The following RP1 variants were observed in gnomAD, a reference collection of about 807,000 sequenced individuals.
RP1 encodes the protein oxygen-regulated protein 1.
In RP1, 16 loss-of-function variants were observed where a neutral mutation model predicts 14.8. That is an observed-to-expected ratio of 1.08 (90% CI 0.73 to 1.65). The LOEUF (loss-of-function observed/expected upper bound fraction) is 1.65, where lower values mean the gene tolerates loss of function less well. Ranked by LOEUF, RP1 falls within the 40% of genes most tolerant of loss-of-function variation. The probability of loss-of-function intolerance (pLI) is 0.00; values close to 1 mark genes in which losing one functional copy is unlikely to be tolerated. For missense variants in RP1, 2,631 were observed against 2,535.0 expected (o/e 1.04, Z -0.81); for synonymous variants, 876 against 883.6 (o/e 0.99, Z 0.15).
chr8:54,646,025 AACTC>A (rs901796059), intron 3 of RP1, among the ~76,000 whole-genome samples: 1 of 151,960 alleles, frequency 6.6e-6, no homozygotes, highest in African/African-American at 2.4e-5. Context: ...TCACCCCTTC[AACTC>A]ACTCTTTTTC....
intron 17 of RP1, among the ~76,000 whole-genome samples, chr8:54,730,219 T>G (rs1316563998): frequency 6.6e-6 from 1 of 152,136 alleles, no homozygotes; most frequent in Non-Finnish European, 1.5e-5. Context: ...AGTCAATATC[T>G]TCTTCTATAA....
intron 12 of RP1, among the ~76,000 whole-genome samples, chr8:54,680,732 G>T (rs1362699710): frequency 6.6e-6 from 1 of 152,102 alleles, no homozygotes; most frequent in Non-Finnish European, 1.5e-5. Flanking sequence ...GCCGAGGTGG[G>T]CGGATCATGA....
At chr8:54,866,457 T>G (rs550476831) in intron 28 of RP1, among the ~76,000 whole-genome samples, 26 of 152,342 alleles carry the variant, frequency 1.7e-4, no homozygotes, top group African/African-American at 6.0e-4. Flanking sequence ...TAGGTGAATC[T>G]CTTAAACTTC....
chr8:54,628,098 A>C lies in RP1; in HGVS notation c.4216A>C (p.Lys1406Gln), dbSNP rs562213663. The C allele has an allele frequency of 1.9e-6, 3 of 1,614,072 alleles. No individual in the cohort carries two copies. In the East Asian group the frequency reaches 6.7e-5, roughly 36 times the overall value. Residue 1406 changes from lysine (K) to glutamine (Q), a missense_variant, in exon 4 of 4, where the codon AAA becomes CAA. Physicochemically the swap from Lys to Gln is moderately conservative, Grantham distance 53. Transcript: ENST00000220676. ...CTCCTGTGGCCTTTGCCTAAGTGAA[A>C]AAGAAGCAGAACTTGATAAGAAACA... ...LSSCGLCLSE[K>Q]EAELDKKHSS...
intron 1 of RP1, among the ~76,000 whole-genome samples, chr8:54,602,939 C>T (rs1317961797): frequency 6.6e-6 from 1 of 152,000 alleles, no homozygotes; most frequent in African/African-American, 2.4e-5. Context: ...GGATATTAGC[C>T]CTTTGTTAGA....
At chr8:54,664,944 T>C (rs1048372958) in intron 7 of RP1, among the ~76,000 whole-genome samples, 2 of 152,126 alleles carry the variant, frequency 1.3e-5, no homozygotes, top group Non-Finnish European at 2.9e-5. Context: ...CATCACACAA[T>C]ATACCCGGTT....
intron 1 of RP1, among the ~76,000 whole-genome samples, chr8:54,607,297 C>G (rs897219464): frequency 5.9e-5 from 9 of 152,180 alleles, no homozygotes; most frequent in African/African-American, 1.7e-4. Flanking sequence ...GTTGGAGTTT[C>G]CTGGAGGTCC....
intron 24 of RP1, among the ~76,000 whole-genome samples, chr8:54,785,644 C>T (rs112436733): frequency 6.6e-6 from 1 of 152,080 alleles, no homozygotes; most frequent in African/African-American, 2.4e-5. Context: ...TTTTACACTT[C>T]TACCAGCAAT....
chr8:54,677,685 C>G (rs1374225881), intron 8 of RP1, among the ~76,000 whole-genome samples: 1 of 152,138 alleles, frequency 6.6e-6, no homozygotes, highest in Non-Finnish European at 1.5e-5. Context: ...TGTGATTGCA[C>G]TACTGTACTC....
intron 24 of RP1, among the ~76,000 whole-genome samples, chr8:54,811,262 C>T (rs1194375350): frequency 6.6e-6 from 1 of 152,162 alleles, no homozygotes; most frequent in Non-Finnish European, 1.5e-5. Context: ...CCCATGTCTG[C>T]ACTTCACCAG....
intron 12 of RP1, among the ~76,000 whole-genome samples, chr8:54,680,682 G>A (rs1807405851): frequency 6.6e-6 from 1 of 152,154 alleles, no homozygotes; most frequent in Non-Finnish European, 1.5e-5. Context: ...GTCTGGGCCG[G>A]GTGTGGTGGC....
At chr8:54,571,321 G>C (rs1166174772) in intron 1 of RP1, among the ~76,000 whole-genome samples, 2 of 152,216 alleles carry the variant, frequency 1.3e-5, no homozygotes, top group African/African-American at 4.8e-5. Flanking sequence ...CTTTTATAGA[G>C]CTGATCTTCC....
At position 54,711,780 on chromosome 8, in the gene RP1, AT is replaced by A. The variant is rs910691724; in HGVS notation, c.2211+5136del. On this transcript the variant is annotated intron_variant, in intron 15 of 22. Transcript: ENST00000636932. Reference sequence around the variant, plus strand: ...TTGTAAATGTAGGAGACAAAACATGATTTTTTTTTTTCACCCATTGCAAGCT... The same window carrying A: ...TTGTAAATGTAGGAGACAAAACATGATTTTTTTTTTCACCCATTGCAAGCT... 3.2e-3 allele frequency among the ~76,000 whole-genome samples: 477 copies of A among 148,988 alleles called. 1 individual carries two copies. Among genetic ancestry groups the A allele is most frequent in the Non-Finnish European group, 4.9e-3 (329 of 66,978 alleles).
At chr8:54,851,095 T>A (rs1293297967) in intron 25 of RP1, among the ~76,000 whole-genome samples, 6 of 152,144 alleles carry the variant, frequency 3.9e-5, no homozygotes, top group African/African-American at 1.2e-4. Context: ...GCGTGCATAC[T>A]TTTTGAGGTG....
exon 18 of RP1, chr8:54,734,725 G>C (rs1473564673): frequency 6.5e-7 from 1 of 1,532,208 alleles, no homozygotes; most frequent in African/African-American, 1.4e-5. Flanking sequence ...TTCCTTCCAG[G>C]ACACGAGGAT....
intron 23 of RP1, among the ~76,000 whole-genome samples, chr8:54,776,317 T>C (rs1475595010): frequency 6.6e-6 from 1 of 152,164 alleles, no homozygotes; most frequent in Non-Finnish European, 1.5e-5. Flanking sequence ...TCCTCCTACC[T>C]CGGCTTCCTG....
chr8:54,833,902 C>G (rs1811596753), intron 24 of RP1, among the ~76,000 whole-genome samples: 1 of 151,588 alleles, frequency 6.6e-6, no homozygotes, highest in African/African-American at 2.4e-5. Flanking sequence ...TTATGCCCAC[C>G]AAAATTTTGA....
intron 1 of RP1, chr8:54,561,838 A>G (rs1270812061): frequency 6.6e-6 from 1 of 152,234 alleles, no homozygotes; most frequent in Non-Finnish European, 1.5e-5. Flanking sequence ...AATTAATTAT[A>G]TATCCTGATA....
intron 24 of RP1, among the ~76,000 whole-genome samples, chr8:54,799,899 A>G (rs1376867946): frequency 6.6e-6 from 1 of 152,104 alleles, no homozygotes; most frequent in Non-Finnish European, 1.5e-5. Context: ...AATGAGAAAA[A>G]TAATATTTAT....
Sources: allele counts gnomAD v4.1 joint callset (sites outside exome capture counted in the v4.1 genomes callset), GRCh38; gene constraint gnomAD v4.1.1; transcripts MANE v1.5; gene names NCBI Gene and HGNC (gene_info 2026-07-23, HGNC 2026-07-21).